The following ADAM23 variants were observed in gnomAD, a reference collection of about 807,000 sequenced individuals.
ADAM23 encodes ADAM metallopeptidase domain 23, also known as disintegrin and metalloproteinase domain-containing protein 23.
Under a neutral mutation model 120.1 loss-of-function variants are expected in ADAM23, and 33 were observed. The observed-to-expected ratio is 0.27, with a 90% CI of 0.21 to 0.37. ADAM23 has a LOEUF of 0.37. ADAM23 is among the 10% of genes least tolerant of loss of function. The pLI is 1.00. For missense variants in ADAM23, 862 were observed against 1,058.2 expected (o/e 0.81, Z 2.57); for synonymous variants, 367 against 375.2 (o/e 0.98, Z 0.25).
At chr2:206,559,032 C>A (rs1282733617) in intron 10 of ADAM23, among the ~76,000 whole-genome samples, 3 of 152,170 alleles carry the variant, frequency 2.0e-5, no homozygotes, top group African/African-American at 7.2e-5. Context: ...GCAAGCTCCG[C>A]CTCCCAGGTT....
intron 2 of ADAM23, among the ~76,000 whole-genome samples, chr2:206,476,842 A>G (rs1272149965): frequency 1.3e-5 from 2 of 152,172 alleles, no homozygotes; most frequent in East Asian, 3.8e-4. Context: ...AATTCTGGGA[A>G]AATGTTATTT....
intron 24 of ADAM23, 95 bp from the exon 25 acceptor site, chr2:206,609,815 G>T: frequency 1.0e-6 from 1 of 960,612 alleles, no homozygotes; most frequent in Non-Finnish European, 1.5e-6. Flanking sequence ...TTTTACACAG[G>T]ATATTTACTT....
chr2:206,481,092 G>T (rs1350008788), intron 2 of ADAM23, 140 bp from the exon 3 acceptor site: 2 of 534,322 alleles, frequency 3.7e-6, no homozygotes, highest in East Asian at 6.8e-5. Flanking sequence ...GTCTCCTAAA[G>T]AAATGAATTG....
intron 22 of ADAM23, among the ~76,000 whole-genome samples, chr2:206,593,964 G>A (rs7595952): frequency 0.49 from 73,867 of 150,310 alleles, 18,679 homozygotes; most frequent in East Asian, 0.55. Flanking sequence ...ACATAGAAAA[G>A]TCATACTGCC....
At chr2:206,601,562 C>T (rs923520147) in intron 24 of ADAM23, among the ~76,000 whole-genome samples, 9 of 152,006 alleles carry the variant, frequency 5.9e-5, no homozygotes, top group Non-Finnish European at 1.5e-5. Flanking sequence ...TGCCTGAGCC[C>T]AGGAGTTCCA....
intron 3 of ADAM23, among the ~76,000 whole-genome samples, chr2:206,489,188 C>A (rs1031626795): frequency 1.3e-5 from 2 of 152,160 alleles, no homozygotes; most frequent in African/African-American, 4.8e-5. Context: ...CCTATACCAG[C>A]CTGAGCTGTG....
intron 9 of ADAM23, among the ~76,000 whole-genome samples, chr2:206,557,081 G>GT (rs1697659736): frequency 6.6e-6 from 1 of 151,724 alleles, no homozygotes; most frequent in South Asian, 2.1e-4. Flanking sequence ...AACATCGTAG[G>GT]TTTTTTTGTT....
chr2:206,562,115 G>A (rs896041944), intron 12 of ADAM23, 88 bp from the exon 13 acceptor site: 5 of 1,125,032 alleles, frequency 4.4e-6, no homozygotes, highest in East Asian at 4.8e-5. Context: ...AGGGAACTGA[G>A]AAGATTTGTG....
intron 3 of ADAM23, among the ~76,000 whole-genome samples, chr2:206,486,992 C>T (rs141595164): frequency 6.6e-6 from 1 of 152,156 alleles, no homozygotes; most frequent in Non-Finnish European, 1.5e-5. Flanking sequence ...TGACTGACCT[C>T]TTTTACTTAG....
chr2:206,550,955 C>T (rs1025392566), intron 9 of ADAM23, among the ~76,000 whole-genome samples: 1 of 152,184 alleles, frequency 6.6e-6, no homozygotes, highest in Non-Finnish European at 1.5e-5. Flanking sequence ...ACTTCTGTGG[C>T]AGTAAAATGT....
chr2:206,528,081 C>T (rs766239067), intron 3 of ADAM23, among the ~76,000 whole-genome samples: 19 of 152,210 alleles, frequency 1.2e-4, no homozygotes, highest in African/African-American at 1.7e-4. Flanking sequence ...ATTAAGATAA[C>T]GTTGTTTCCA....
At chr2:206,482,400 T>C (rs1695916214) in intron 3 of ADAM23, among the ~76,000 whole-genome samples, 1 of 152,236 alleles carries the variant, frequency 6.6e-6, no homozygotes, top group South Asian at 2.1e-4. Context: ...AGTGGCAAGA[T>C]AGAGCTAATT....
intron 21 of ADAM23, 97 bp downstream of exon 21, chr2:206,589,611 TAA>T: frequency 1.0e-6 from 1 of 987,464 alleles, no homozygotes; most frequent in Non-Finnish European, 1.4e-6. Flanking sequence ...GATTTTTTTC[TAA>T]GTGTTCACCA....
intron 2 of ADAM23, among the ~76,000 whole-genome samples, chr2:206,452,053 A>C (rs1257495946): frequency 3.9e-5 from 6 of 152,202 alleles, no homozygotes; most frequent in Non-Finnish European, 5.9e-5. Context: ...TCTCTTGAAG[A>C]ATCAGAAGAT....
intron 3 of ADAM23, among the ~76,000 whole-genome samples, chr2:206,524,414 A>G (rs1302593271): frequency 6.6e-6 from 1 of 152,212 alleles, no homozygotes; most frequent in East Asian, 1.9e-4. Context: ...CCTCTTGCCC[A>G]GATCCACCTA....
At chr2:206,465,996 T>C (rs765641879) in intron 2 of ADAM23, among the ~76,000 whole-genome samples, 34 of 152,184 alleles carry the variant, frequency 2.2e-4, no homozygotes, top group Non-Finnish European at 3.7e-4. Context: ...AGATGGGAGA[T>C]ATAGTTAGTA....
chr2:206,532,934 G>A (rs1301907112), intron 4 of ADAM23, among the ~76,000 whole-genome samples: 1 of 151,940 alleles, frequency 6.6e-6, no homozygotes, highest in East Asian at 1.9e-4. Context: ...GGGTCAAAGA[G>A]TTGGTACAAT....
chr2:206,537,438 G>T (rs1018155111), intron 4 of ADAM23, among the ~76,000 whole-genome samples: 18 of 152,052 alleles, frequency 1.2e-4, no homozygotes, highest in Non-Finnish European at 2.5e-4. Flanking sequence ...GGGAGGGTGG[G>T]CCCTGCAGAA....
intron 3 of ADAM23, among the ~76,000 whole-genome samples, chr2:206,498,231 A>C (rs1453301593): frequency 6.6e-6 from 1 of 152,132 alleles, no homozygotes; most frequent in South Asian, 2.1e-4. Flanking sequence ...GGAGGCATCG[A>C]GCTACTTGAC....
Sources: gnomAD v4.1 joint callset for allele counts (sites outside exome capture counted in the v4.1 genomes callset) on GRCh38, gnomAD v4.1.1 for gene constraint, MANE v1.5 for transcripts, NCBI Gene and HGNC (gene_info 2026-07-23, HGNC 2026-07-21) for gene names.